The following TMEM177 variants were observed in gnomAD, a reference collection of about 807,000 sequenced individuals.
TMEM177 encodes transmembrane protein 177.
TMEM177 carries 4 observed loss-of-function variants against 14.2 expected under a neutral mutation model. That is an observed-to-expected ratio of 0.28 (90% CI 0.14 to 0.64). TMEM177 has a LOEUF of 0.64. Ranked by LOEUF, TMEM177 falls within the 30% of genes least tolerant of loss-of-function variation. The pLI, the probability that TMEM177 is intolerant of heterozygous loss-of-function variation, is 0.82. For missense variants in TMEM177, 344 were observed against 405.2 expected, an observed-to-expected ratio of 0.85 and a Z score of 1.30; for synonymous variants, 179 against 174.5, an observed-to-expected ratio of 1.03 and a Z score of -0.20.
chr2:119,711,330 C>T, the TMEM177 span, among the ~76,000 whole-genome samples: 4 of 152,284 alleles, frequency 2.6e-5, no homozygotes, highest in Admixed American at 1.3e-4. Flanking sequence ...TTGTGCCCCA[C>T]GGAGTTCAAA....
chr2:119,711,781 A>G, the TMEM177 span, among the ~76,000 whole-genome samples: 2 of 152,316 alleles, frequency 1.3e-5, no homozygotes, highest in Admixed American at 1.3e-4. Flanking sequence ...TGATGACTCC[A>G]TGGAACAAAG....
the TMEM177 span, among the ~76,000 whole-genome samples, chr2:119,701,728 A>C: frequency 2.6e-5 from 4 of 152,316 alleles, no homozygotes; most frequent in Non-Finnish European, 5.9e-5. Flanking sequence ...GGAGACCGGG[A>C]GTTTTATTAT....
the TMEM177 span, among the ~76,000 whole-genome samples, chr2:119,712,046 G>T: frequency 6.6e-6 from 1 of 152,012 alleles, no homozygotes; most frequent in Admixed American, 6.6e-5. Flanking sequence ...TTGAGAACAA[G>T]AAAAAGGTGG....
At chr2:119,705,797 G>A in the TMEM177 span, among the ~76,000 whole-genome samples, 10 of 151,844 alleles carry the variant, frequency 6.6e-5, no homozygotes, top group African/African-American at 2.4e-4. Flanking sequence ...TATACAGGGT[G>A]TGACTCATTG....
downstream of TMEM177, among the ~76,000 whole-genome samples, chr2:119,690,665 A>G (rs1025571027): frequency 6.6e-6 from 1 of 152,166 alleles, no homozygotes; most frequent in Non-Finnish European, 1.5e-5. Context: ...TCACTGCTCT[A>G]TCATCACATC....
the TMEM177 span, among the ~76,000 whole-genome samples, chr2:119,720,180 T>C: frequency 1.3e-5 from 2 of 152,134 alleles, no homozygotes; most frequent in African/African-American, 4.8e-5. Context: ...ACAGGGTTAC[T>C]AACAGTGCCA....
chr2:119,685,070 C>T (rs1688988227), downstream of TMEM177, among the ~76,000 whole-genome samples: 1 of 152,104 alleles, frequency 6.6e-6, no homozygotes, highest in Non-Finnish European at 1.5e-5. Context: ...GCTTAGGCCT[C>T]GCCTCTCCCC....
At chr2:119,695,487 C>G in the TMEM177 span, among the ~76,000 whole-genome samples, 18 of 152,112 alleles carry the variant, frequency 1.2e-4, no homozygotes, top group African/African-American at 4.3e-4. Flanking sequence ...TCCTGGGCAC[C>G]TGGCTGGGCA....
chr2:119,687,621 C>G (rs1214383935), downstream of TMEM177, among the ~76,000 whole-genome samples: 4 of 152,094 alleles, frequency 2.6e-5, no homozygotes, highest in Non-Finnish European at 5.9e-5. Context: ...CCTACCAGGT[C>G]CCTCCCGTGA....
downstream of TMEM177, among the ~76,000 whole-genome samples, chr2:119,682,851 T>A (rs1574269429): frequency 1.3e-5 from 2 of 151,184 alleles, no homozygotes; most frequent in East Asian, 3.9e-4. Flanking sequence ...GGGGTGGAGG[T>A]GGGCAGTGGG....
the TMEM177 span, among the ~76,000 whole-genome samples, chr2:119,716,766 G>A: frequency 1.3e-5 from 2 of 152,210 alleles, no homozygotes; most frequent in African/African-American, 2.4e-5. Flanking sequence ...CTCTCTTCTA[G>A]TCTCCTTCTG....
chr2:119,713,198 T>C, the TMEM177 span, among the ~76,000 whole-genome samples: 86 of 151,910 alleles, frequency 5.7e-4, no homozygotes, highest in Non-Finnish European at 1.0e-3. Flanking sequence ...GCCTCCTGAG[T>C]AGCTGGGATT....
chr2:119,715,057 C>A, the TMEM177 span, among the ~76,000 whole-genome samples: 5 of 152,122 alleles, frequency 3.3e-5, no homozygotes, highest in Non-Finnish European at 7.4e-5. Context: ...AAGCCCAAAG[C>A]ATGGAGGCTC....
At chr2:119,703,986 C>A in the TMEM177 span, among the ~76,000 whole-genome samples, 3 of 152,146 alleles carry the variant, frequency 2.0e-5, no homozygotes, top group Non-Finnish European at 2.9e-5. Flanking sequence ...CCATTCCTGC[C>A]AGGACTCTGA....
At chr2:119,683,303 C>T (rs755070281), downstream of TMEM177, among the ~76,000 whole-genome samples, 3 of 152,172 alleles carry the variant, frequency 2.0e-5, no homozygotes, top group African/African-American at 4.8e-5. Flanking sequence ...GTACCTAGGA[C>T]GGCACTGGGC....
chr2:119,722,634 G>T, the TMEM177 span, among the ~76,000 whole-genome samples: 1 of 152,174 alleles, frequency 6.6e-6, no homozygotes, highest in Admixed American at 6.5e-5. Flanking sequence ...ATATACAGCA[G>T]GTAAATAATT....
the TMEM177 span, among the ~76,000 whole-genome samples, chr2:119,693,476 G>A: frequency 1.3e-5 from 2 of 152,088 alleles, no homozygotes; most frequent in East Asian, 1.9e-4. Flanking sequence ...GAGAAGGAGC[G>A]TCTGCACCAC....
chr2:119,699,205 G>T, the TMEM177 span: 153,118 of 153,754 alleles, frequency 1, 76,245 homozygotes, highest in Middle Eastern at 1. Flanking sequence ...TGGGGAAGCC[G>T]CAGGAAACTT....
the TMEM177 span, among the ~76,000 whole-genome samples, chr2:119,695,816 G>A: frequency 6.6e-6 from 1 of 152,248 alleles, no homozygotes; most frequent in Non-Finnish European, 1.5e-5. Context: ...TTGATGTGGT[G>A]TATAGCACAA....
Sources: allele counts gnomAD v4.1 joint callset (sites outside exome capture counted in the v4.1 genomes callset), GRCh38; gene constraint gnomAD v4.1.1; transcripts MANE v1.5; gene names NCBI Gene and HGNC (gene_info 2026-07-23, HGNC 2026-07-21).